The following FREM1 variants were observed in gnomAD, a reference collection of about 807,000 sequenced individuals.
FREM1 encodes the protein FRAS1-related extracellular matrix protein 1.
Under a neutral mutation model 210.1 loss-of-function variants are expected in FREM1, and 220 were observed. The observed-to-expected ratio is 1.05, with a 90% CI of 0.94 to 1.17. The LOEUF (loss-of-function observed/expected upper bound fraction) is 1.17, where lower values mean the gene tolerates loss of function less well. FREM1 is among the 50% of genes most tolerant of loss of function. The pLI is 0.00. For synonymous variants in FREM1, 1,189 were observed against 980.2 expected, an observed-to-expected ratio of 1.21 and a Z score of -3.98; for missense variants, 3,454 against 2,675.5, an observed-to-expected ratio of 1.29 and a Z score of -6.42.
chr9:14,863,120 T>C (rs1454778632), intron 3 of FREM1, among the ~76,000 whole-genome samples: 1 of 152,024 alleles, frequency 6.6e-6, no homozygotes, highest in African/African-American at 2.4e-5. Flanking sequence ...GACAGGCAGA[T>C]CATGTGGTCA....
intron 8 of FREM1, among the ~76,000 whole-genome samples, chr9:14,843,959 A>C (rs1176616153): frequency 6.6e-6 from 1 of 152,358 alleles, no homozygotes; most frequent in Admixed American, 6.5e-5. Context: ...TAGATAAATC[A>C]GTTGTTCTAA....
chr9:14,861,270 CATATATACAT>C (rs1830432799), intron 3 of FREM1, among the ~76,000 whole-genome samples: 2 of 79,372 alleles, frequency 2.5e-5, no homozygotes, highest in Admixed American at 1.3e-4. Flanking sequence ...CACATATACA[CATATATACAT>C]ATATACATAT....
intron 17 of FREM1, 54 bp from the exon 18 acceptor site, chr9:14,806,900 C>G: frequency 8.8e-7 from 1 of 1,134,422 alleles, no homozygotes; most frequent in Non-Finnish European, 1.2e-6. Context: ...TCTAAACAGA[C>G]TGGGTAGGAC....
chr9:14,830,766 T>C (rs961321355), intron 10 of FREM1, among the ~76,000 whole-genome samples: 3 of 152,168 alleles, frequency 2.0e-5, no homozygotes, highest in Non-Finnish European at 4.4e-5. Flanking sequence ...TAAACCGGCA[T>C]GAGGGCCAAG....
intron 10 of FREM1, among the ~76,000 whole-genome samples, chr9:14,832,015 C>G (rs1174798710): frequency 1.3e-5 from 2 of 152,236 alleles, no homozygotes; most frequent in Non-Finnish European, 2.9e-5. Context: ...CTTTTATTCT[C>G]ACTTCTCTTT....
rs760243815 is a variant in FREM1, at chr9:14,824,053, G to A, written c.2141C>T (p.Thr714Met). The change falls in exon 12 of 37, where the codon ACG becomes ATG. Residue 714 changes from threonine to methionine, a missense_variant. Thr to Met is a moderately conservative substitution (Grantham distance 81, BLOSUM62 -1). Transcript: ENST00000380880. ...DSIPKVVKNP[T>M]ALELRSFTQH... ...AGTGAATGACCTCAGCTCCAGGGCC[G>A]TAGGATTCTTAACTACTTTTGGTAT... 2.4e-5 allele frequency: 38 copies of A among 1,593,090 alleles called. No homozygotes were observed. Among genetic ancestry groups the A allele is most frequent in the Admixed American group, 7.0e-5 (4 of 57,458 alleles).
In FREM1 at chr9:14,842,551, A is replaced by G. The variant is rs766046409; in HGVS notation, c.1503T>C (p.Asp501=). ...ATTTGTGACGGATGCTGTGATGGCC[A>G]TCAAATATCCGGAAGACCACGAAGT... The part of the protein sequence containing the change: ...TKDFVVFRIF[D]GHHSIRHKFP... The change falls in exon 9 of 37, where the codon GAT becomes GAC. Residue 501 remains aspartate (D), a synonymous_variant. Coordinates refer to ENST00000380880, the MANE Select transcript of FREM1 (RefSeq NM_001379081.2). The G allele has an allele frequency of 8.7e-6, 14 of 1,613,846 alleles. No individual in the cohort carries two copies. The highest frequency in any genetic ancestry group is 1.2e-5 in the Non-Finnish European group (14 of 1,179,836).
intron 8 of FREM1, among the ~76,000 whole-genome samples, chr9:14,844,949 G>A (rs1468201263): frequency 6.6e-6 from 1 of 152,122 alleles, no homozygotes; most frequent in Non-Finnish European, 1.5e-5. Context: ...CAACCTGACT[G>A]GTATACCCAG....
rs780543150 is a variant in FREM1 at position 14,805,055 on chromosome 9, G to A, written c.3372C>T (p.Tyr1124=). ...IEPTADQFTV[Y]VTDGKHHSLE... is the part of the protein sequence containing the mutation. ...AGGAGTGATGCTTCCCATCTGTGAC[G>A]TACACCGTGAACTGGTCGGCAGTTG... Residue 1124 remains tyrosine (Y), a synonymous_variant, in exon 19 of 37, where the codon TAC becomes TAT. Transcript: ENST00000380880. 14 of 1,612,450 alleles carry A rather than the reference G, an allele frequency of 8.7e-6. No homozygotes were observed. The highest frequency in any genetic ancestry group is 7.7e-5 in the South Asian group (7 of 91,020).
intron 26 of FREM1, 61 bp downstream of exon 26, chr9:14,770,544 T>A: frequency 6.2e-6 from 8 of 1,289,654 alleles, no homozygotes; most frequent in Non-Finnish European, 9.0e-6. Flanking sequence ...AATTACTCTC[T>A]AGCCCTGCCA....
At chr9:14,847,372 CATAT>C (rs1051699819) in intron 7 of FREM1, among the ~76,000 whole-genome samples, 12 of 101,320 alleles carry the variant, frequency 1.2e-4, no homozygotes, top group African/African-American at 4.0e-4. Context: ...TGGGCTAATA[CATAT>C]ATAAAGGAGA....
At chr9:14,854,284 G>C (rs984401907) in intron 5 of FREM1, among the ~76,000 whole-genome samples, 5 of 152,002 alleles carry the variant, frequency 3.3e-5, no homozygotes, top group African/African-American at 1.2e-4. Context: ...AAACATGATA[G>C]AAAAAAGTGT....
At position 14,780,433 on chromosome 9, in the gene FREM1, G is replaced by GAAAAAAAAAAA. The variant is rs58017285; in HGVS notation, c.4442+3926_4442+3936dup. ...AATCATAAATAGCGCCAGCTCCTCA[G>GAAAAAAAAAAA]AAAAAAAAAAAAAAAAAGTCCAGCC... On this transcript the variant is annotated intron_variant, in intron 24 of 36. Transcript: ENST00000380880. Among the ~76,000 whole-genome samples, 26 of 81,520 alleles carry GAAAAAAAAAAA rather than the reference G, an allele frequency of 3.2e-4. 2 individuals are homozygous for GAAAAAAAAAAA. The highest frequency in any genetic ancestry group is 4.9e-4 in the Non-Finnish European group (19 of 39,150). 53.5% of individuals were successfully genotyped at this position (81,520 alleles called of 152,430 possible). A position where few individuals can be genotyped will look rare whatever the true frequency, so the allele number is the denominator to read the frequency against.
intron 13 of FREM1, among the ~76,000 whole-genome samples, chr9:14,821,375 T>C (rs753721948): frequency 6.6e-6 from 1 of 152,234 alleles, no homozygotes. Flanking sequence ...CCTTTACACT[T>C]TTTAGTTTCC....
intron 27 of FREM1, among the ~76,000 whole-genome samples, chr9:14,764,857 C>T (rs1389061067): frequency 6.6e-6 from 1 of 152,110 alleles, no homozygotes; most frequent in Non-Finnish European, 1.5e-5. Context: ...AGTTAAATCA[C>T]CAGTTTAGGA....
rs1554707476 is a variant in FREM1 at position 14,860,788 on chromosome 9, T to TAC, written c.330-1306_330-1305dup. On this transcript the variant is annotated intron_variant, in intron 3 of 36. Coordinates refer to ENST00000380880, the MANE Select transcript of FREM1 (RefSeq NM_001379081.2). Reference sequence around the variant, plus strand: ...ACATATATACACATATATACATATATACATATATACACATATATACATATA... The same window carrying TAC: ...ACATATATACACATATATACATATATACACATATATACACATATATACATATA... 1.6e-3 allele frequency among the ~76,000 whole-genome samples: 154 copies of TAC among 94,734 alleles called. 2 individuals carry two copies. Among genetic ancestry groups the TAC allele is most frequent in the Non-Finnish European group, 1.9e-3 (99 of 51,722 alleles). 62.1% of individuals were successfully genotyped at this position (94,734 alleles called of 152,430 possible). A position where few individuals can be genotyped will look rare whatever the true frequency, so the allele number is the denominator to read the frequency against.
chr9:14,861,032 TATATAC>T (rs1245411609), intron 3 of FREM1, among the ~76,000 whole-genome samples: 8 of 75,444 alleles, frequency 1.1e-4, no homozygotes, highest in African/African-American at 4.0e-4. Flanking sequence ...CATATATACA[TATATAC>T]ATATATACAT....
At chr9:14,806,101 T>G (rs1008468959) in intron 18 of FREM1, among the ~76,000 whole-genome samples, 3 of 152,234 alleles carry the variant, frequency 2.0e-5, no homozygotes, top group African/African-American at 7.2e-5. Flanking sequence ...TGTTTATTCT[T>G]GTATTTTCCA....
chr9:14,894,347 A>C (rs1837337633), intron 1 of FREM1, among the ~76,000 whole-genome samples: 1 of 152,248 alleles, frequency 6.6e-6, no homozygotes, highest in African/African-American at 2.4e-5. Context: ...TTGTGGCTTT[A>C]ATAGTGGCTG....
Sources: allele counts gnomAD v4.1 joint callset (sites outside exome capture counted in the v4.1 genomes callset), GRCh38; gene constraint gnomAD v4.1.1; transcripts MANE v1.5; gene names NCBI Gene and HGNC (gene_info 2026-07-23, HGNC 2026-07-21).